RERE: variants seen among roughly 807,000 people sequenced by gnomAD.
RERE encodes the protein arginine-glutamic acid dipeptide repeats protein.
A neutral mutation model predicts 146.1 loss-of-function variants in RERE; 40 were observed. The observed-to-expected ratio is 0.27, with a 90% confidence interval of 0.21 to 0.36. The LOEUF is 0.36. Among genes scored for constraint, RERE ranks in the 10% least tolerant of loss-of-function variants. The pLI, the probability that RERE is intolerant of heterozygous loss-of-function variation, is 1.00. For missense variants in RERE, 1,933 were observed against 2,138.7 expected (o/e 0.90, Z 1.90); for synonymous variants, 1,003 against 866.0 (o/e 1.16, Z -2.78).
intron 12 of RERE, among the ~76,000 whole-genome samples, chr1:8,377,032 T>C (rs1642280492): frequency 6.6e-6 from 1 of 152,244 alleles, no homozygotes; most frequent in Non-Finnish European, 1.5e-5. Context: ...GCACTGACAG[T>C]GGCCTAACTT....
chr1:8,399,894 C>A (rs1478222655), intron 12 of RERE, among the ~76,000 whole-genome samples: 3 of 151,308 alleles, frequency 2.0e-5, no homozygotes, highest in African/African-American at 7.3e-5. Context: ...CCACTGTGAA[C>A]AGCATTTTTT....
intron 11 of RERE, among the ~76,000 whole-genome samples, chr1:8,459,991 A>G (rs1378971959): frequency 6.6e-6 from 1 of 152,194 alleles, no homozygotes; most frequent in African/African-American, 2.4e-5. Context: ...CAAGATTATT[A>G]GTATCTGAAA....
At chr1:8,393,817 T>A (rs1642964352) in intron 12 of RERE, among the ~76,000 whole-genome samples, 1 of 152,172 alleles carries the variant, frequency 6.6e-6, no homozygotes, top group Non-Finnish European at 1.5e-5. Flanking sequence ...AAGTAAAAAC[T>A]ATATAGAGTT....
intron 4 of RERE, among the ~76,000 whole-genome samples, chr1:8,577,734 C>A (rs189029307): frequency 6.6e-6 from 1 of 152,156 alleles, no homozygotes; most frequent in African/African-American, 2.4e-5. Flanking sequence ...GCCCTAGAAT[C>A]AAAATAGCTT....
chr1:8,587,982 C>T (rs6698079), intron 4 of RERE, among the ~76,000 whole-genome samples: 128,989 of 152,124 alleles, frequency 0.85, 54,986 homozygotes, highest in East Asian at 0.95. Flanking sequence ...AAACACTCTG[C>T]GTGCAGATGC....
intron 1 of RERE, among the ~76,000 whole-genome samples, chr1:8,681,429 A>C (rs2124396967): frequency 6.6e-6 from 1 of 152,322 alleles, no homozygotes; most frequent in Middle Eastern, 3.4e-3. Context: ...CTTTCAGTTT[A>C]GCTAAGCTTT....
intron 1 of RERE, among the ~76,000 whole-genome samples, chr1:8,671,665 C>T (rs1022071845): frequency 2.6e-5 from 4 of 151,844 alleles, no homozygotes; most frequent in African/African-American, 9.7e-5. Context: ...TTTCTGAGGG[C>T]CTAAATTAAA....
At chr1:8,381,110 C>A in intron 12 of RERE, 1 of 422,300 alleles carries the variant, frequency 2.4e-6, no homozygotes, top group South Asian at 1.7e-5. Flanking sequence ...ACACACTTTA[C>A]TGACCCATAG....
In RERE at chr1:8,686,245, G is replaced by A. The variant is rs186054442; in HGVS notation, c.-144-29804C>T. On this transcript the variant is annotated intron_variant, in intron 1 of 22. Coordinates refer to ENST00000400908, the MANE Select transcript of RERE (RefSeq NM_001042681.2). ...CAATCCGCTCGTCTTGGCCTCTCAC[G>A]GTGCTAGGATTACAGGTGTAAGCCA... Among the ~76,000 whole-genome samples, 19 of 152,108 alleles carry A rather than the reference G, an allele frequency of 1.2e-4. No individual in the cohort carries two copies. In the East Asian group the frequency reaches 2.5e-3, roughly 20 times the overall value.
chr1:8,668,805 G>C (rs4908505), intron 1 of RERE, among the ~76,000 whole-genome samples: 1 of 151,888 alleles, frequency 6.6e-6, no homozygotes, highest in Non-Finnish European at 1.5e-5. Context: ...GGGTTGCAAG[G>C]GTAAATACAG....
intron 1 of RERE, among the ~76,000 whole-genome samples, chr1:8,760,547 G>A (rs1481056584): frequency 6.6e-6 from 1 of 152,176 alleles, no homozygotes; most frequent in Non-Finnish European, 1.5e-5. Context: ...CACAGGGAGG[G>A]TAGCAGGAAG....
chr1:8,655,396 AG>A (rs1209370869), intron 2 of RERE, among the ~76,000 whole-genome samples: 2 of 151,858 alleles, frequency 1.3e-5, no homozygotes, highest in African/African-American at 4.8e-5. Context: ...TAGTAGAGAC[AG>A]GGTTTCATCA....
chr1:8,596,861 G>A (rs1047137709), intron 4 of RERE, among the ~76,000 whole-genome samples: 3 of 152,062 alleles, frequency 2.0e-5, no homozygotes, highest in South Asian at 2.1e-4. Context: ...ACCACACAGC[G>A]TGTCTATCTT....
At chr1:8,451,555 G>A (rs1433980978) in intron 11 of RERE, among the ~76,000 whole-genome samples, 2 of 152,184 alleles carry the variant, frequency 1.3e-5, no homozygotes, top group African/African-American at 4.8e-5. Flanking sequence ...CTGGAAACTT[G>A]TACCCCAGAT....
rs547393268 is a variant in RERE at position 8,453,039 on chromosome 1, C to T, written c.1203+12886G>A. 9.9e-5 allele frequency among the ~76,000 whole-genome samples: 15 copies of T among 152,104 alleles called. No homozygotes were observed. The East Asian group carries it at 1.2e-3, about 12-fold the overall frequency. On this transcript the variant is annotated intron_variant, in intron 11 of 22. Coordinates refer to ENST00000400908, the MANE Select transcript of RERE (RefSeq NM_001042681.2). ...GTGGCCTAAAAGCAAGATAAATCTA[C>T]GTGGATCATTTGAATGTTTTACAGA...
chr1:8,411,061 T>C (rs1017200009), intron 12 of RERE, among the ~76,000 whole-genome samples: 3 of 152,170 alleles, frequency 2.0e-5, no homozygotes, highest in East Asian at 1.9e-4. Context: ...TATGTAGCAT[T>C]TGGAGAAATA....
chr1:8,378,477 C>T (rs1264182798), intron 12 of RERE, among the ~76,000 whole-genome samples: 1 of 152,212 alleles, frequency 6.6e-6, no homozygotes, highest in Non-Finnish European at 1.5e-5. Context: ...TATTTGGAGA[C>T]AGGCTCTTCC....
intron 4 of RERE, among the ~76,000 whole-genome samples, chr1:8,599,412 T>C (rs147323612): frequency 3.8e-4 from 58 of 152,296 alleles, no homozygotes; most frequent in African/African-American, 1.3e-3. Flanking sequence ...TATTTGATGT[T>C]TTTTGCTAAG....
intron 11 of RERE, among the ~76,000 whole-genome samples, chr1:8,462,811 G>A (rs1181670466): frequency 6.6e-6 from 1 of 152,126 alleles, no homozygotes; most frequent in African/African-American, 2.4e-5. Flanking sequence ...GGCTGATGTG[G>A]GAGGATCACT....
Sources: gnomAD v4.1 joint callset for allele counts (sites outside exome capture counted in the v4.1 genomes callset) on GRCh38, gnomAD v4.1.1 for gene constraint, MANE v1.5 for transcripts, NCBI Gene and HGNC (gene_info 2026-07-23, HGNC 2026-07-21) for gene names.